The following RBFOX1 variants were observed in gnomAD, a reference collection of about 807,000 sequenced individuals.
The protein encoded by RBFOX1 is RNA binding protein fox-1 homolog 1.
A neutral mutation model predicts 57.7 loss-of-function variants in RBFOX1; 8 were observed. The observed-to-expected ratio is 0.14, with a 90% CI of 0.08 to 0.25. The LOEUF is 0.25. Among genes scored for constraint, RBFOX1 ranks in the 10% least tolerant of loss-of-function variants. RBFOX1 has a pLI of 1.00. For synonymous variants in RBFOX1, 326 were observed against 222.4 expected (o/e 1.47, Z -4.15); for missense variants, 611 against 548.5 (o/e 1.11, Z -1.14).
At chr16:6,898,419 T>C (rs1384868038) in intron 3 of RBFOX1, among the ~76,000 whole-genome samples, 1 of 152,182 alleles carries the variant, frequency 6.6e-6, no homozygotes, top group South Asian at 2.1e-4. Flanking sequence ...TTCAGCTTGT[T>C]ATGTGGCTGT....
chr16:6,725,944 A>G (rs1165790585), intron 3 of RBFOX1, among the ~76,000 whole-genome samples: 1 of 152,148 alleles, frequency 6.6e-6, no homozygotes, highest in Non-Finnish European at 1.5e-5. Flanking sequence ...ACTTGAGGGA[A>G]ACCAGGAAAT....
chr16:5,613,545 G>C (rs1035384277), intron 3 of RBFOX1, among the ~76,000 whole-genome samples: 17 of 152,120 alleles, frequency 1.1e-4, no homozygotes, highest in African/African-American at 4.1e-4. Flanking sequence ...TACTCCAAGT[G>C]AAATTTTCCT....
At chr16:5,625,906 C>T (rs2048335834) in intron 3 of RBFOX1, among the ~76,000 whole-genome samples, 2 of 150,164 alleles carry the variant, frequency 1.3e-5, no homozygotes, top group African/African-American at 4.9e-5. Flanking sequence ...GATGGAGTTT[C>T]ACTCTTGTTG....
At chr16:6,627,242 C>T (rs1029392909) in intron 2 of RBFOX1, among the ~76,000 whole-genome samples, 1 of 152,286 alleles carries the variant, frequency 6.6e-6, no homozygotes, top group East Asian at 1.9e-4. Context: ...TGAGATGGGG[C>T]TTTGAAGCTG....
At chr16:6,448,867 T>C (rs1251144796) in intron 2 of RBFOX1, among the ~76,000 whole-genome samples, 1 of 152,200 alleles carries the variant, frequency 6.6e-6, no homozygotes, top group African/African-American at 2.4e-5. Context: ...ACAATATATT[T>C]TATTTTGAGT....
chr16:5,886,027 A>C (rs910445707), intron 4 of RBFOX1, among the ~76,000 whole-genome samples: 5 of 151,782 alleles, frequency 3.3e-5, no homozygotes, highest in South Asian at 4.2e-4. Flanking sequence ...CGTGGGTAAC[A>C]CCTCTCCCTT....
At chr16:6,953,698 C>T (rs540866399) in intron 3 of RBFOX1, among the ~76,000 whole-genome samples, 48 of 152,202 alleles carry the variant, frequency 3.2e-4, no homozygotes, top group South Asian at 2.1e-3. Flanking sequence ...CACACGCACA[C>T]GATATTTACA....
chr16:7,702,243 A>C (rs1376670391), intron 14 of RBFOX1, among the ~76,000 whole-genome samples: 1 of 152,174 alleles, frequency 6.6e-6, no homozygotes, highest in Non-Finnish European at 1.5e-5. Flanking sequence ...TCAGAGATAT[A>C]CTGAGGTGTC....
chr16:7,446,489 T>C (rs2098808676), intron 4 of RBFOX1, among the ~76,000 whole-genome samples: 2 of 152,208 alleles, frequency 1.3e-5, no homozygotes, highest in Admixed American at 1.3e-4. Flanking sequence ...CGCTGAGCTA[T>C]GTTTTAATGA....
chr16:7,020,549 A>G (rs145930830), intron 3 of RBFOX1, among the ~76,000 whole-genome samples: 1 of 152,206 alleles, frequency 6.6e-6, no homozygotes, highest in Non-Finnish European at 1.5e-5. Flanking sequence ...TATAATGTTT[A>G]TGAAAATTAA....
At chr16:5,343,796 G>C (rs11863330) in intron 1 of RBFOX1, among the ~76,000 whole-genome samples, 8,562 of 152,150 alleles carry the variant, frequency 0.056, 782 homozygotes, top group African/African-American at 0.19. Flanking sequence ...AAGGCAAAAG[G>C]GTTATTTGAT....
chr16:6,600,265 TTC>T (rs2097835747), intron 2 of RBFOX1, among the ~76,000 whole-genome samples: 1 of 151,802 alleles, frequency 6.6e-6, no homozygotes, highest in Admixed American at 6.6e-5. Flanking sequence ...GGGGCTTTTG[TTC>T]TCAGTCCTCC....
intron 3 of RBFOX1, among the ~76,000 whole-genome samples, chr16:7,008,472 A>G (rs2093427411): frequency 6.6e-6 from 1 of 152,058 alleles, no homozygotes; most frequent in Non-Finnish European, 1.5e-5. Flanking sequence ...CCTAGGAAGC[A>G]AAGGTTGCAG....
At chr16:6,214,763 AGGAG>A (rs1249430080) in intron 1 of RBFOX1, among the ~76,000 whole-genome samples, 21 of 62,400 alleles carry the variant, frequency 3.4e-4, no homozygotes, top group African/African-American at 1.0e-3. Context: ...GGGAGAGAGA[AGGAG>A]AGAGAGAGAG....
chr16:6,271,359 G>A (rs992272594), intron 1 of RBFOX1, among the ~76,000 whole-genome samples: 3 of 152,198 alleles, frequency 2.0e-5, no homozygotes, highest in South Asian at 4.1e-4. Context: ...AGGAGGTGGA[G>A]GTTGCAGTGA....
chr16:7,528,365 C>G (rs1205796017), intron 5 of RBFOX1, among the ~76,000 whole-genome samples: 1 of 152,200 alleles, frequency 6.6e-6, no homozygotes, highest in East Asian at 1.9e-4. Flanking sequence ...TTCAAACACC[C>G]AAATCCATCC....
At chr16:6,989,300 A>G (rs953369149) in intron 3 of RBFOX1, among the ~76,000 whole-genome samples, 2 of 152,178 alleles carry the variant, frequency 1.3e-5, no homozygotes, top group African/African-American at 2.4e-5. Flanking sequence ...TTGTCTATGA[A>G]GATATATTTA....
intron 3 of RBFOX1, among the ~76,000 whole-genome samples, chr16:6,655,957 C>T (rs554084868): frequency 7.9e-5 from 12 of 152,278 alleles, no homozygotes; most frequent in Admixed American, 4.6e-4. Flanking sequence ...GTGTTAATCT[C>T]CTCACATTGG....
intron 4 of RBFOX1, among the ~76,000 whole-genome samples, chr16:7,318,013 G>A (rs999114957): frequency 3.3e-5 from 5 of 151,856 alleles, no homozygotes; most frequent in African/African-American, 1.2e-4. Context: ...GGTGACGGTA[G>A]CGATGATGGT....
Sources: gnomAD v4.1 joint callset for allele counts (sites outside exome capture counted in the v4.1 genomes callset) on GRCh38, gnomAD v4.1.1 for gene constraint, MANE v1.5 for transcripts, NCBI Gene and HGNC (gene_info 2026-07-23, HGNC 2026-07-21) for gene names.